Variants in ZNF521 observed in about 807,000 individuals in gnomAD.
ZNF521 encodes LYST-interacting protein 3.
Under a neutral mutation model 105.5 loss-of-function variants are expected in ZNF521, and 14 were observed. That is an observed-to-expected ratio of 0.13 (90% confidence interval 0.09 to 0.21). The LOEUF (loss-of-function observed/expected upper bound fraction) is 0.21, where lower values mean the gene tolerates loss of function less well. ZNF521 is among the 10% of genes least tolerant of loss of function. The probability of loss-of-function intolerance (pLI) is 1.00; values close to 1 mark genes in which losing one functional copy is unlikely to be tolerated. For missense variants in ZNF521, 1,233 were observed against 1,629.7 expected (o/e 0.76, Z 4.19); for synonymous variants, 635 against 606.0 (o/e 1.05, Z -0.70).
At chr18:25,121,180 C>T (rs1351299263) in intron 5 of ZNF521, among the ~76,000 whole-genome samples, 5 of 138,374 alleles carry the variant, frequency 3.6e-5, no homozygotes, top group African/African-American at 7.9e-5. Flanking sequence ...GGTGCCATCT[C>T]GGCTCACTGC....
rs1057406241 is a variant in ZNF521 at position 25,350,791 on chromosome 18, GCACTCA to G, written c.40+110_40+115del. ...CGGGGAGGGGAGCGCGCGCGCCCCC[GCACTCA>G]CACTCACACTCACGCGCGCACACGC... On this transcript the variant is annotated intron_variant, in intron 2 of 7. Transcript: ENST00000361524. 177 of 1,163,934 alleles carry G rather than the reference GCACTCA, an allele frequency of 1.5e-4. 2 individuals are homozygous for G. The highest frequency in any genetic ancestry group is 9.2e-4 in the South Asian group (64 of 69,444). The allele number at this position is 1,163,934 out of a possible 1,614,324, so 72.1% of individuals were successfully genotyped here. A position where few individuals can be genotyped will look rare whatever the true frequency, so the allele number is the denominator to read the frequency against.
chr18:25,342,421 T>TTGTC (rs1485887172), intron 2 of ZNF521, among the ~76,000 whole-genome samples: 7 of 150,172 alleles, frequency 4.7e-5, no homozygotes, highest in African/African-American at 1.7e-4. Flanking sequence ...TTTTTTTTGT[T>TTGTC]TGTTTGTTTG....
At chr18:25,291,991 A>G (rs1486106992) in intron 3 of ZNF521, among the ~76,000 whole-genome samples, 4 of 152,182 alleles carry the variant, frequency 2.6e-5, no homozygotes, top group African/African-American at 9.7e-5. Flanking sequence ...TTAGTACCTG[A>G]CAGTATCTGG....
At chr18:25,351,901 A>G (rs1005988674) in intron 1 of ZNF521, 104 bp downstream of exon 1, 31 of 280,616 alleles carry the variant, frequency 1.1e-4, no homozygotes, top group Admixed American at 1.5e-4. Context: ...CAGCGGCGGC[A>G]GCGGCGGCGG....
chr18:25,251,156 G>T (rs1028682725), intron 3 of ZNF521, among the ~76,000 whole-genome samples: 1 of 152,162 alleles, frequency 6.6e-6, no homozygotes. Context: ...ATGCCGATTT[G>T]CTATATACTA....
Position 25,224,690 on chromosome 18 carries a change from G to C in ZNF521, c.3228C>G (p.Ser1076=), listed in dbSNP as rs146364840. The change falls in exon 4 of 8, where the codon TCC becomes TCG. Residue 1076 remains serine (S), a synonymous_variant. Transcript: ENST00000361524. ...KCASCLKEFR[S]KQDLVKLDIN... The stretch of plus-strand genomic sequence containing the variant: ...TATCAAGTTTCACCAGATCTTGCTT[G>C]GAACGGAATTCTTTGAGGCAAGATG... The C allele has an allele frequency of 1.5e-5, 24 of 1,613,922 alleles. No individual in the cohort carries two copies. In the African/African-American group the frequency reaches 2.8e-4, roughly 19 times the overall value.
At chr18:25,076,805 T>C (rs1025786517) in intron 7 of ZNF521, among the ~76,000 whole-genome samples, 3 of 152,006 alleles carry the variant, frequency 2.0e-5, no homozygotes, top group South Asian at 2.1e-4. Context: ...AAAACAACAC[T>C]AAAACTAATT....
intron 3 of ZNF521, among the ~76,000 whole-genome samples, chr18:25,289,943 C>T (rs1910920014): frequency 1.3e-5 from 2 of 152,266 alleles, no homozygotes; most frequent in Middle Eastern, 3.4e-3. Flanking sequence ...TTTTTAACTA[C>T]AACATGCCAT....
chr18:25,306,377 T>C (rs1278311106), intron 3 of ZNF521, among the ~76,000 whole-genome samples: 2 of 152,212 alleles, frequency 1.3e-5, no homozygotes. Flanking sequence ...TAAATTTGTC[T>C]GGTAATTTCT....
intron 7 of ZNF521, among the ~76,000 whole-genome samples, chr18:25,084,743 G>A (rs2033583489): frequency 6.6e-6 from 1 of 152,160 alleles, no homozygotes; most frequent in Non-Finnish European, 1.5e-5. Context: ...AGGCCTGACA[G>A]AACTTTCTAT....
intron 3 of ZNF521, among the ~76,000 whole-genome samples, chr18:25,251,778 G>T (rs550293780): frequency 6.6e-6 from 1 of 152,218 alleles, no homozygotes; most frequent in African/African-American, 2.4e-5. Flanking sequence ...TAAATATTTT[G>T]ATTTTGAACC....
At chr18:25,263,538 A>G (rs1478732028) in intron 3 of ZNF521, among the ~76,000 whole-genome samples, 7 of 151,282 alleles carry the variant, frequency 4.6e-5, no homozygotes, top group African/African-American at 1.7e-4. Context: ...TTGTATTTTT[A>G]GTAGAGACGG....
intron 3 of ZNF521, among the ~76,000 whole-genome samples, chr18:25,285,706 A>ATT (rs1568056108): frequency 2.1e-5 from 3 of 139,836 alleles, no homozygotes; most frequent in African/African-American, 9.9e-5. Flanking sequence ...TCTCACACAC[A>ATT]CACACACACA....
At chr18:25,096,434 T>A (rs35889630) in intron 5 of ZNF521, among the ~76,000 whole-genome samples, 1 of 152,164 alleles carries the variant, frequency 6.6e-6, no homozygotes, top group East Asian at 1.9e-4. Flanking sequence ...ATTTGGATGC[T>A]CAAGCACAGG....
At chr18:25,080,147 A>C (rs1164419246) in intron 7 of ZNF521, among the ~76,000 whole-genome samples, 3 of 152,208 alleles carry the variant, frequency 2.0e-5, no homozygotes, top group Non-Finnish European at 4.4e-5. Flanking sequence ...GCTTTTGCAA[A>C]CTTGGCCCTC....
At chr18:25,337,571 G>T (rs1191524029) in intron 2 of ZNF521, among the ~76,000 whole-genome samples, 1 of 152,166 alleles carries the variant, frequency 6.6e-6, no homozygotes, top group African/African-American at 2.4e-5. Flanking sequence ...TAATTAAAAT[G>T]TCAATTAAAT....
At chr18:25,349,481 C>T (rs1313821854) in intron 2 of ZNF521, among the ~76,000 whole-genome samples, 1 of 152,224 alleles carries the variant, frequency 6.6e-6, no homozygotes, top group Non-Finnish European at 1.5e-5. Flanking sequence ...AGGAAAAAAG[C>T]AAGCGTTCCA....
intron 5 of ZNF521, among the ~76,000 whole-genome samples, chr18:25,150,431 A>T (rs2035025335): frequency 6.6e-6 from 1 of 152,180 alleles, no homozygotes; most frequent in Non-Finnish European, 1.5e-5. Flanking sequence ...AACCTACAGA[A>T]ATAAAAAATT....
At chr18:25,090,171 G>C (rs2144210280) in intron 6 of ZNF521, among the ~76,000 whole-genome samples, 1 of 152,114 alleles carries the variant, frequency 6.6e-6, no homozygotes, top group Non-Finnish European at 1.5e-5. Context: ...ACAAAACAAG[G>C]CCCTAAGACT....
Sources: allele counts gnomAD v4.1 joint callset (sites outside exome capture counted in the v4.1 genomes callset), GRCh38; gene constraint gnomAD v4.1.1; transcripts MANE v1.5; gene names NCBI Gene and HGNC (gene_info 2026-07-23, HGNC 2026-07-21).